Variants in SEMA6A observed in about 807,000 individuals in gnomAD.
SEMA6A encodes the protein semaphorin-6A.
A neutral mutation model predicts 96.8 loss-of-function variants in SEMA6A; 25 were observed. The observed-to-expected ratio is 0.26, with a 90% CI of 0.19 to 0.36. The LOEUF is 0.36. SEMA6A is among the 10% of genes least tolerant of loss of function. The pLI, the probability that SEMA6A is intolerant of heterozygous loss-of-function variation, is 1.00. For synonymous variants in SEMA6A, 612 were observed against 518.0 expected (o/e 1.18, Z -2.46); for missense variants, 1,363 against 1,323.1 (o/e 1.03, Z -0.47).
At chr5:116,562,900 G>C (rs918005395) in intron 1 of SEMA6A, 15 of 606,062 alleles carry the variant, frequency 2.5e-5, no homozygotes, top group Non-Finnish European at 4.7e-5. Flanking sequence ...GGGCCCAGTC[G>C]GCCCTCGAGC....
At chr5:116,463,097 A>T (rs1374972797) in intron 18 of SEMA6A, among the ~76,000 whole-genome samples, 1 of 152,240 alleles carries the variant, frequency 6.6e-6, no homozygotes, top group Non-Finnish European at 1.5e-5. Context: ...TGGAAGACAA[A>T]GCCCCAGTGT....
At chr5:116,493,867 T>G (rs1467768965) in intron 6 of SEMA6A, among the ~76,000 whole-genome samples, 1 of 152,194 alleles carries the variant, frequency 6.6e-6, no homozygotes, top group African/African-American at 2.4e-5. Flanking sequence ...GCTAGATAGC[T>G]CTATTCATGT....
intron 1 of SEMA6A, among the ~76,000 whole-genome samples, chr5:116,517,125 T>C (rs1311133766): frequency 2.0e-5 from 3 of 152,202 alleles, no homozygotes; most frequent in African/African-American, 7.2e-5. Flanking sequence ...ACTCATTGTG[T>C]GACAAGCTTG....
chr5:116,551,446 G>A (rs1160640018), intron 1 of SEMA6A, among the ~76,000 whole-genome samples: 2 of 152,042 alleles, frequency 1.3e-5, no homozygotes, highest in Admixed American at 6.6e-5. Flanking sequence ...CACTTATCTA[G>A]TGCTTATGAT....
At chr5:116,566,212 T>C (rs998660684) in intron 1 of SEMA6A, among the ~76,000 whole-genome samples, 5 of 152,164 alleles carry the variant, frequency 3.3e-5, no homozygotes, top group Admixed American at 1.3e-4. Flanking sequence ...CTTTGAAGCG[T>C]AGAGGGGCAG....
At chr5:116,523,517 G>T (rs1321021185) in intron 1 of SEMA6A, among the ~76,000 whole-genome samples, 2 of 151,996 alleles carry the variant, frequency 1.3e-5, no homozygotes, top group Admixed American at 6.6e-5. Flanking sequence ...TCATCATGTT[G>T]CCGAGGCCGG....
intron 1 of SEMA6A, among the ~76,000 whole-genome samples, chr5:116,537,430 G>T (rs1282509659): frequency 6.6e-6 from 1 of 152,116 alleles, no homozygotes; most frequent in Admixed American, 6.5e-5. Flanking sequence ...GCAGTGTTGA[G>T]GGGTCTGTGG....
chr5:116,566,468 A>T (rs888450805), intron 1 of SEMA6A, among the ~76,000 whole-genome samples: 4 of 151,762 alleles, frequency 2.6e-5, no homozygotes, highest in Non-Finnish European at 4.4e-5. Context: ...AAGGATCTGA[A>T]ACTTCGGTCC....
rs376943522 is a variant in SEMA6A, at chr5:116,480,285, G to A, written c.1095-8C>T. 81 of 1,613,248 alleles carry A rather than the reference G, an allele frequency of 5.0e-5. 1 individual carries two copies. The highest frequency in any genetic ancestry group is 6.5e-5 in the Non-Finnish European group (77 of 1,179,606). On this transcript the variant is annotated splice_polypyrimidine_tract_variant and splice_region_variant and intron_variant, in intron 11 of 18. Coordinates refer to ENST00000343348, the MANE Select transcript of SEMA6A (RefSeq NM_020796.5). ...CCAGCACAGCAACCTGGCCTAAAAT[G>A]AAACAAAGGGTGAGGAAGGAGGGAG...
intron 18 of SEMA6A, among the ~76,000 whole-genome samples, chr5:116,459,737 C>A (rs901817440): frequency 6.6e-6 from 1 of 152,158 alleles, no homozygotes; most frequent in Non-Finnish European, 1.5e-5. Flanking sequence ...TCTCCCTCCC[C>A]CTCTTTCCTT....
chr5:116,534,647 C>T (rs1469008848), intron 1 of SEMA6A, among the ~76,000 whole-genome samples: 3 of 152,176 alleles, frequency 2.0e-5, no homozygotes, highest in East Asian at 3.8e-4. Context: ...TAATGTACCC[C>T]GTTCTCTCCT....
chr5:116,529,590 C>T (rs1348373670), intron 1 of SEMA6A, among the ~76,000 whole-genome samples: 1 of 152,012 alleles, frequency 6.6e-6, no homozygotes, highest in Non-Finnish European at 1.5e-5. Flanking sequence ...AGCTGGAGAA[C>T]ATCAGAAGCA....
chr5:116,555,122 C>T (rs1198445038), intron 1 of SEMA6A, among the ~76,000 whole-genome samples: 1 of 152,196 alleles, frequency 6.6e-6, no homozygotes, highest in Non-Finnish European at 1.5e-5. Context: ...GACACCCAGT[C>T]TCCAAGCTTT....
intron 1 of SEMA6A, among the ~76,000 whole-genome samples, chr5:116,506,758 T>C (rs886792399): frequency 3.3e-5 from 5 of 152,072 alleles, no homozygotes; most frequent in Non-Finnish European, 7.4e-5. Context: ...TAAAGAAGCA[T>C]ATTGCCTCAG....
intron 2 of SEMA6A, among the ~76,000 whole-genome samples, chr5:116,504,433 C>A (rs906861708): frequency 6.6e-6 from 1 of 152,158 alleles, no homozygotes; most frequent in Non-Finnish European, 1.5e-5. Context: ...AAAAATTTTT[C>A]TCTGAAGTAC....
intron 1 of SEMA6A, among the ~76,000 whole-genome samples, chr5:116,572,991 G>A (rs1761287826): frequency 6.6e-6 from 1 of 152,316 alleles, no homozygotes; most frequent in East Asian, 1.9e-4. Flanking sequence ...CTTTCCCGAC[G>A]TCCACAAGCC....
rs760739199 is a variant in SEMA6A at position 116,488,137 on chromosome 5, T to C, written c.715A>G (p.Ile239Val). 1 of 1,612,258 alleles carries C rather than the reference T, an allele frequency of 6.2e-7. No homozygotes were observed. Among genetic ancestry groups the C allele is most frequent in the East Asian group, 2.2e-5 (1 of 44,790 alleles). ...GDYIYFFFREIAVEYNTMGKV... is the reference protein window; with the variant it reads ...GDYIYFFFREVAVEYNTMGKV... ...CCCATGGTGTTATACTCCACTGCTA[T>C]TTCCCTGAAGAAGAAGTAGATATAA... is the stretch of plus-strand genomic sequence containing the variant. The change falls in exon 9 of 19, where the codon ATA becomes GTA. Residue 239 changes from isoleucine to valine, a missense_variant. Around this residue, in one of 2 missense-constraint regions of SEMA6A, gnomAD observed 480 missense variants for 559.5 expected, o/e 0.86. Transcript: ENST00000343348.
At chr5:116,559,892 C>G (rs569504979) in intron 1 of SEMA6A, among the ~76,000 whole-genome samples, 1 of 152,332 alleles carries the variant, frequency 6.6e-6, no homozygotes, top group East Asian at 1.9e-4. Context: ...ATTTATACTT[C>G]TAAAACACGG....
intron 12 of SEMA6A, among the ~76,000 whole-genome samples, chr5:116,479,458 AAT>A (rs1482625262): frequency 6.6e-6 from 1 of 152,226 alleles, no homozygotes; most frequent in East Asian, 1.9e-4. Context: ...ACAGTGCTTT[AAT>A]ATGTTTTAAT....
Sources: allele counts gnomAD v4.1 joint callset (sites outside exome capture counted in the v4.1 genomes callset), GRCh38; gene constraint gnomAD v4.1.1; regional missense constraint gnomAD v4.1.1; transcripts MANE v1.5; gene names NCBI Gene and HGNC (gene_info 2026-07-23, HGNC 2026-07-21).